ARHGAP15: variants seen among roughly 807,000 people sequenced by gnomAD.
ARHGAP15 encodes the protein Rho GTPase activating protein 15, also known as rho GTPase-activating protein 15.
In ARHGAP15, 51 loss-of-function variants were observed where a neutral mutation model predicts 63.7. That is an observed-to-expected ratio of 0.80 (90% CI 0.64 to 1.01). The LOEUF (loss-of-function observed/expected upper bound fraction) is 1.01, where lower values mean the gene tolerates loss of function less well. Ranked by LOEUF, ARHGAP15 falls within the 50% of genes least tolerant of loss-of-function variation. ARHGAP15 has a pLI of 0.00. For synonymous variants in ARHGAP15, 191 were observed against 193.8 expected, an observed-to-expected ratio of 0.99 and a Z score of 0.12; for missense variants, 560 against 564.6, an observed-to-expected ratio of 0.99 and a Z score of 0.08.
intron 13 of ARHGAP15, among the ~76,000 whole-genome samples, chr2:143,734,028 C>G (rs922650855): frequency 5.9e-5 from 9 of 152,104 alleles, no homozygotes. Context: ...AACCCTGCCC[C>G]CATTCATGTT....
At chr2:143,681,101 G>C (rs1487558942) in intron 12 of ARHGAP15, among the ~76,000 whole-genome samples, 1 of 152,194 alleles carries the variant, frequency 6.6e-6, no homozygotes, top group Non-Finnish European at 1.5e-5. Flanking sequence ...AGTGTAGTCT[G>C]TTAAACACCA....
At chr2:143,520,017 A>G (rs549643834) in intron 10 of ARHGAP15, among the ~76,000 whole-genome samples, 1 of 152,220 alleles carries the variant, frequency 6.6e-6, no homozygotes, top group Non-Finnish European at 1.5e-5. Context: ...GACTTCATTC[A>G]TTCAAGGTCA....
chr2:143,176,055 C>T lies in ARHGAP15; in HGVS notation c.165+20400C>T, dbSNP rs561502571. On this transcript the variant is annotated intron_variant, in intron 2 of 13. Transcript: ENST00000295095. ...GACAGATTTCAAGGGAATCATTCCA[C>T]GGTTATGCTTGAACACAAATGAGTT... Among the ~76,000 whole-genome samples, 15 of 152,170 alleles carry T rather than the reference C, an allele frequency of 9.9e-5. No homozygotes were observed. The South Asian group carries it at 1.9e-3, about 19-fold the overall frequency.
chr2:143,569,732 A>T (rs180700649), intron 11 of ARHGAP15, among the ~76,000 whole-genome samples: 1 of 152,340 alleles, frequency 6.6e-6, no homozygotes, highest in African/African-American at 2.4e-5. Context: ...TTTTTAAATT[A>T]TTCCACTGGC....
At chr2:143,488,906 C>T (rs1474111701) in intron 9 of ARHGAP15, among the ~76,000 whole-genome samples, 1 of 152,194 alleles carries the variant, frequency 6.6e-6, no homozygotes, top group Non-Finnish European at 1.5e-5. Context: ...GACTTTTACT[C>T]TCCGATGCAT....
chr2:143,245,491 A>G (rs1694014779), intron 5 of ARHGAP15, among the ~76,000 whole-genome samples: 1 of 152,234 alleles, frequency 6.6e-6, no homozygotes, highest in South Asian at 2.1e-4. Context: ...GTGTTGAAGA[A>G]GAGAATGGAG....
intron 6 of ARHGAP15, among the ~76,000 whole-genome samples, chr2:143,382,037 C>T (rs373594077): frequency 6.6e-6 from 1 of 151,248 alleles, no homozygotes; most frequent in Non-Finnish European, 1.5e-5. Context: ...TAAAACCACC[C>T]TCCCTTCTTT....
chr2:143,284,177 G>A (rs1308340451), intron 6 of ARHGAP15, among the ~76,000 whole-genome samples: 3 of 152,134 alleles, frequency 2.0e-5, no homozygotes, highest in African/African-American at 2.4e-5. Context: ...CACAAGAATG[G>A]CAATGCAAAG....
At chr2:143,606,815 C>T (rs1698053450) in intron 11 of ARHGAP15, 2 of 152,232 alleles carry the variant, frequency 1.3e-5, no homozygotes, top group South Asian at 4.1e-4. Flanking sequence ...CCTGTGATCT[C>T]ACCTGCCTCA....
intron 11 of ARHGAP15, chr2:143,563,912 ATACAAATTTATTAT>A (rs1696122110): frequency 6.6e-6 from 1 of 152,272 alleles, no homozygotes; most frequent in African/African-American, 2.4e-5. Context: ...ACCTAAAGCA[ATACAAATTTATTAT>A]CTCACAGTTT....
chr2:143,464,446 C>A (rs921440318), intron 8 of ARHGAP15, among the ~76,000 whole-genome samples: 4 of 151,936 alleles, frequency 2.6e-5, no homozygotes, highest in Non-Finnish European at 2.9e-5. Context: ...AACAACATAT[C>A]CTAAAAAGAA....
chr2:143,249,409 AAT>A (rs1202197065), intron 5 of ARHGAP15, among the ~76,000 whole-genome samples: 3 of 152,164 alleles, frequency 2.0e-5, no homozygotes, highest in African/African-American at 4.8e-5. Flanking sequence ...ACATGGACAG[AAT>A]ATGTTTTTAA....
intron 6 of ARHGAP15, among the ~76,000 whole-genome samples, chr2:143,396,313 A>G (rs1036596748): frequency 1.3e-5 from 2 of 152,152 alleles, no homozygotes; most frequent in Non-Finnish European, 2.9e-5. Flanking sequence ...TAAGAACGTT[A>G]TTAGTAATAT....
chr2:143,250,423 T>G, intron 5 of ARHGAP15, 88 bp from the exon 6 acceptor site: 1 of 991,992 alleles, frequency 1.0e-6, no homozygotes, highest in Non-Finnish European at 1.5e-6. Flanking sequence ...TAAATATGTA[T>G]AGCTGCTAAC....
intron 6 of ARHGAP15, among the ~76,000 whole-genome samples, chr2:143,422,930 T>G (rs7608859): frequency 0.89 from 135,285 of 152,110 alleles, 60,535 homozygotes; most frequent in Middle Eastern, 0.97. Context: ...TATCCAAGAC[T>G]GTGCATTCTC....
chr2:143,665,970 T>G (rs1347365629), intron 12 of ARHGAP15, among the ~76,000 whole-genome samples: 1 of 147,496 alleles, frequency 6.8e-6, no homozygotes, highest in Non-Finnish European at 1.5e-5. Flanking sequence ...GAAGAATCAA[T>G]ATCGTGAAAA....
At chr2:143,288,959 T>C (rs774938820) in intron 6 of ARHGAP15, among the ~76,000 whole-genome samples, 26 of 152,064 alleles carry the variant, frequency 1.7e-4, no homozygotes, top group Non-Finnish European at 2.5e-4. Context: ...TTTTATTATT[T>C]TGTTTTTTCT....
At chr2:143,252,796 T>C (rs1481950608) in intron 6 of ARHGAP15, among the ~76,000 whole-genome samples, 1 of 152,044 alleles carries the variant, frequency 6.6e-6, no homozygotes, top group Non-Finnish European at 1.5e-5. Context: ...TATAGTTCTG[T>C]TAACAAAAAA....
At chr2:143,241,528 A>C (rs753293948) in intron 5 of ARHGAP15, among the ~76,000 whole-genome samples, 4 of 152,204 alleles carry the variant, frequency 2.6e-5, no homozygotes, top group Non-Finnish European at 4.4e-5. Context: ...TAAAGGGAGA[A>C]TGTGGGAAAG....
Sources: allele counts gnomAD v4.1 joint callset (sites outside exome capture counted in the v4.1 genomes callset), GRCh38; gene constraint gnomAD v4.1.1; transcripts MANE v1.5; gene names NCBI Gene and HGNC (gene_info 2026-07-23, HGNC 2026-07-21).